The following ST6GALNAC3 variants were observed in gnomAD, a reference collection of about 807,000 sequenced individuals.
The protein encoded by ST6GALNAC3 is ST6 N-acetylgalactosaminide alpha-2,6-sialyltransferase 3, also known as alpha-N-acetylgalactosaminide alpha-2,6-sialyltransferase 3.
Under a neutral mutation model 32.7 loss-of-function variants are expected in ST6GALNAC3, and 25 were observed. The observed-to-expected ratio is 0.76, with a 90% CI of 0.56 to 1.07. The LOEUF (loss-of-function observed/expected upper bound fraction) is 1.07, where lower values mean the gene tolerates loss of function less well. Among genes scored for constraint, ST6GALNAC3 ranks in the 50% least tolerant of loss-of-function variants. The pLI is 0.00. For synonymous variants in ST6GALNAC3, 129 were observed against 133.1 expected (o/e 0.97, Z 0.21); for missense variants, 355 against 382.4 (o/e 0.93, Z 0.60).
intron 3 of ST6GALNAC3, among the ~76,000 whole-genome samples, chr1:76,585,684 A>G (rs994975762): frequency 1.3e-5 from 2 of 152,164 alleles, no homozygotes; most frequent in African/African-American, 4.8e-5. Context: ...TTATTTTAGC[A>G]TTCATTTCAT....
chr1:76,170,480 A>T (rs1446959796), intron 1 of ST6GALNAC3, among the ~76,000 whole-genome samples: 2 of 152,296 alleles, frequency 1.3e-5, no homozygotes, highest in South Asian at 4.1e-4. Flanking sequence ...AAAAATGTTT[A>T]AAAAAGAAAT....
At chr1:76,348,375 C>T (rs1648692292) in intron 2 of ST6GALNAC3, among the ~76,000 whole-genome samples, 1 of 152,112 alleles carries the variant, frequency 6.6e-6, no homozygotes, top group African/African-American at 2.4e-5. Flanking sequence ...ATTTCCTTTG[C>T]ACATGAGAAT....
intron 1 of ST6GALNAC3, among the ~76,000 whole-genome samples, chr1:76,150,633 G>A (rs1009078056): frequency 6.6e-6 from 1 of 151,880 alleles, no homozygotes; most frequent in Non-Finnish European, 1.5e-5. Flanking sequence ...CTCTGAGCAT[G>A]GCTGGTGCAG....
chr1:76,225,820 G>A (rs2100619572), intron 1 of ST6GALNAC3, among the ~76,000 whole-genome samples: 1 of 152,238 alleles, frequency 6.6e-6, no homozygotes, highest in South Asian at 2.1e-4. Flanking sequence ...GATTTGAAAA[G>A]AGGCATTTTA....
At chr1:76,404,573 A>G (rs1653680645) in intron 2 of ST6GALNAC3, among the ~76,000 whole-genome samples, 1 of 152,088 alleles carries the variant, frequency 6.6e-6, no homozygotes, top group South Asian at 2.1e-4. Context: ...GGCAAAATCT[A>G]TTCCCCAATG....
At chr1:76,409,699 C>T (rs1349342142) in intron 2 of ST6GALNAC3, among the ~76,000 whole-genome samples, 1 of 151,896 alleles carries the variant, frequency 6.6e-6, no homozygotes, top group Non-Finnish European at 1.5e-5. Context: ...AAGTAAGAAA[C>T]CAAGGTGGCC....
chr1:76,341,876 C>A (rs1648068703), intron 2 of ST6GALNAC3, among the ~76,000 whole-genome samples: 5 of 151,926 alleles, frequency 3.3e-5, no homozygotes. Context: ...TGCTTCCTAA[C>A]AGGCCCTAGT....
Position 76,411,809 on chromosome 1 carries a change from A to G in ST6GALNAC3, c.214-199A>G, listed in dbSNP as rs534341850. On this transcript the variant is annotated intron_variant, in intron 2 of 4. Coordinates refer to ENST00000328299, the MANE Select transcript of ST6GALNAC3 (RefSeq NM_152996.4). ...GAAATTAAAATTATTTTTTGACGGT[A>G]TACTTTTTCTTTTTTAATGGAAGCA... Among the ~76,000 whole-genome samples, 424 of 152,232 alleles carry G rather than the reference A, an allele frequency of 2.8e-3. 1 individual carries two copies. Among genetic ancestry groups the G allele is most frequent in the Non-Finnish European group, 4.4e-3 (298 of 67,986 alleles).
intron 1 of ST6GALNAC3, among the ~76,000 whole-genome samples, chr1:76,149,020 A>G (rs1285264178): frequency 1.3e-5 from 2 of 152,224 alleles, no homozygotes; most frequent in African/African-American, 2.4e-5. Context: ...AATGGGTATA[A>G]CAATGCTTGC....
intron 2 of ST6GALNAC3, among the ~76,000 whole-genome samples, chr1:76,356,552 A>C (rs1649464102): frequency 6.6e-6 from 1 of 151,808 alleles, no homozygotes; most frequent in Non-Finnish European, 1.5e-5. Flanking sequence ...TAATGTTGTT[A>C]TGAGGAAAAG....
intron 3 of ST6GALNAC3, among the ~76,000 whole-genome samples, chr1:76,438,060 G>C (rs1466776364): frequency 6.7e-6 from 1 of 149,650 alleles, no homozygotes; most frequent in African/African-American, 2.5e-5. Context: ...TCCAGGTATA[G>C]AGAAGGGTTC....
intron 1 of ST6GALNAC3, among the ~76,000 whole-genome samples, chr1:76,097,031 GC>G (rs1647145555): frequency 6.6e-6 from 1 of 150,588 alleles, no homozygotes; most frequent in African/African-American, 2.4e-5. Flanking sequence ...CGATTCTCCT[GC>G]CTCAGCCTCC....
intron 3 of ST6GALNAC3, among the ~76,000 whole-genome samples, chr1:76,491,330 G>A (rs968437318): frequency 6.6e-6 from 1 of 151,998 alleles, no homozygotes; most frequent in African/African-American, 2.4e-5. Context: ...TTGTCTCATG[G>A]GATACTTTCA....
chr1:76,460,982 A>T (rs753280165), intron 3 of ST6GALNAC3, among the ~76,000 whole-genome samples: 9 of 152,226 alleles, frequency 5.9e-5, no homozygotes, highest in Non-Finnish European at 1.0e-4. Flanking sequence ...AGGCTTCTGT[A>T]GGCCTTGAGT....
At chr1:76,185,149 C>T (rs1296701457) in intron 1 of ST6GALNAC3, among the ~76,000 whole-genome samples, 7 of 152,078 alleles carry the variant, frequency 4.6e-5, no homozygotes, top group Non-Finnish European at 8.8e-5. Flanking sequence ...GTGTTAGACC[C>T]GAGACTCAAA....
At position 76,630,357 on chromosome 1, in the gene ST6GALNAC3, G is replaced by GA. The variant is rs1649229707; in HGVS notation, c.*1557dup. 1.0e-5 allele frequency: 10 copies of GA among 984,956 alleles called. No homozygotes were observed. The highest frequency in any genetic ancestry group is 1.2e-5 in the Non-Finnish European group (10 of 829,714). The allele number at this position is 984,956 out of a possible 1,614,324, so 61.0% of individuals were successfully genotyped here. On this transcript the variant is annotated 3_prime_UTR_variant, in exon 5 of 5. Coordinates refer to ENST00000328299, the MANE Select transcript of ST6GALNAC3 (RefSeq NM_152996.4). Reference sequence around the variant, plus strand: ...ACACGTGTGGTTCTATTTAGGTGGGGAAAAAATGAAAAAGCAGGGACAACA... The same window carrying GA: ...ACACGTGTGGTTCTATTTAGGTGGGGAAAAAAATGAAAAAGCAGGGACAACA...
chr1:76,318,618 T>C (rs963657077), intron 2 of ST6GALNAC3, among the ~76,000 whole-genome samples: 1 of 152,166 alleles, frequency 6.6e-6, no homozygotes, highest in Non-Finnish European at 1.5e-5. Flanking sequence ...TCCCCCATTT[T>C]AAAAATGACA....
At chr1:76,512,816 T>G (rs1223538730) in intron 3 of ST6GALNAC3, among the ~76,000 whole-genome samples, 2 of 152,016 alleles carry the variant, frequency 1.3e-5, no homozygotes, top group African/African-American at 4.8e-5. Flanking sequence ...CACACACACT[T>G]TTTTTCTTTT....
chr1:76,561,959 C>A (rs1278113424), intron 3 of ST6GALNAC3, among the ~76,000 whole-genome samples: 1 of 152,112 alleles, frequency 6.6e-6, no homozygotes, highest in East Asian at 1.9e-4. Context: ...ATGTATGAAT[C>A]TTGGAAACAT....
Sources: gnomAD v4.1 joint callset for allele counts (sites outside exome capture counted in the v4.1 genomes callset) on GRCh38, gnomAD v4.1.1 for gene constraint, MANE v1.5 for transcripts, NCBI Gene and HGNC (gene_info 2026-07-23, HGNC 2026-07-21) for gene names.